BNC2: variants seen among roughly 807,000 people sequenced by gnomAD.
BNC2 encodes the protein basonuclin zinc finger protein 2, also known as zinc finger protein basonuclin-2.
A neutral mutation model predicts 76.3 loss-of-function variants in BNC2; 20 were observed. The ratio of observed to expected loss-of-function variants is 0.26; its 90% CI spans 0.18 to 0.38. BNC2 has a LOEUF of 0.38. Ranked by LOEUF, BNC2 falls within the 10% of genes least tolerant of loss-of-function variation. The pLI, the probability that BNC2 is intolerant of heterozygous loss-of-function variation, is 1.00. For synonymous variants in BNC2, 582 were observed against 514.8 expected, an observed-to-expected ratio of 1.13 and a Z score of -1.77; for missense variants, 1,382 against 1,399.8, an observed-to-expected ratio of 0.99 and a Z score of 0.20.
At chr9:16,639,470 A>C (rs562556349) in intron 3 of BNC2, among the ~76,000 whole-genome samples, 1 of 152,300 alleles carries the variant, frequency 6.6e-6, no homozygotes, top group Non-Finnish European at 1.5e-5. Flanking sequence ...TCAATACACC[A>C]CTGTTGAATG....
chr9:16,820,858 C>G (rs933956698), intron 1 of BNC2, among the ~76,000 whole-genome samples: 1 of 151,078 alleles, frequency 6.6e-6, no homozygotes, highest in Non-Finnish European at 1.5e-5. Context: ...ATTAATGAAT[C>G]TGAAAATCAA....
intron 1 of BNC2, among the ~76,000 whole-genome samples, chr9:16,862,061 A>C (rs1819424089): frequency 6.6e-6 from 1 of 152,242 alleles, no homozygotes; most frequent in East Asian, 1.9e-4. Flanking sequence ...ATTATACACT[A>C]TTGGTTGAAA....
chr9:16,434,986 G>A (rs1181156125), intron 6 of BNC2: 2 of 470,802 alleles, frequency 4.2e-6, no homozygotes, highest in African/African-American at 4.0e-5. Flanking sequence ...AAGAATTCAA[G>A]GACACACTAA....
At chr9:16,846,095 G>A (rs1399109377) in intron 1 of BNC2, among the ~76,000 whole-genome samples, 1 of 149,760 alleles carries the variant, frequency 6.7e-6, no homozygotes, top group Non-Finnish European at 1.5e-5. Context: ...ACCCCAGATC[G>A]CGCCACTGCA....
chr9:16,793,389 G>T (rs1243189883), intron 1 of BNC2, among the ~76,000 whole-genome samples: 1 of 152,088 alleles, frequency 6.6e-6, no homozygotes, highest in Non-Finnish European at 1.5e-5. Flanking sequence ...TTTCATCAAG[G>T]TTCTGCCAGT....
At chr9:16,573,278 A>G (rs1819382488) in intron 4 of BNC2, among the ~76,000 whole-genome samples, 1 of 152,040 alleles carries the variant, frequency 6.6e-6, no homozygotes, top group Non-Finnish European at 1.5e-5. Context: ...AAGCCAAGAT[A>G]CAGAATTTTA....
chr9:16,807,400 AAAAG>A (rs543922341), intron 1 of BNC2, among the ~76,000 whole-genome samples: 56 of 152,362 alleles, frequency 3.7e-4, no homozygotes, highest in Non-Finnish European at 7.1e-4. Flanking sequence ...CATGATCACA[AAAAG>A]AAATAAGATA....
chr9:16,611,372 GA>G (rs1487625467), intron 3 of BNC2, among the ~76,000 whole-genome samples: 36 of 152,168 alleles, frequency 2.4e-4, no homozygotes, highest in Non-Finnish European at 4.3e-4. Flanking sequence ...GAATTATCTG[GA>G]AAACGGCTGT....
intron 1 of BNC2, among the ~76,000 whole-genome samples, chr9:16,791,730 TA>T (rs1817515786): frequency 6.6e-6 from 1 of 152,110 alleles, no homozygotes; most frequent in East Asian, 1.9e-4. Context: ...ACTTGCCCTA[TA>T]AAATAAGTAA....
At chr9:16,780,118 C>T (rs1359482740) in intron 1 of BNC2, among the ~76,000 whole-genome samples, 2 of 151,166 alleles carry the variant, frequency 1.3e-5, no homozygotes, top group Non-Finnish European at 2.9e-5. Context: ...TGCCTGTAGT[C>T]CCAGCTACTA....
chr9:16,520,036 A>G (rs1340460489), intron 5 of BNC2, among the ~76,000 whole-genome samples: 1 of 152,178 alleles, frequency 6.6e-6, no homozygotes, highest in Non-Finnish European at 1.5e-5. Flanking sequence ...GAGAAACTCT[A>G]ATGGGCAGAT....
At chr9:16,659,821 T>C (rs73421463) in intron 3 of BNC2, among the ~76,000 whole-genome samples, 5,252 of 152,202 alleles carry the variant, frequency 0.035, 307 homozygotes, top group African/African-American at 0.12. Context: ...TCCCATCCCC[T>C]TATTCTCTGC....
chr9:16,557,635 C>T (rs757111235), intron 4 of BNC2, among the ~76,000 whole-genome samples: 12 of 151,912 alleles, frequency 7.9e-5, no homozygotes, highest in East Asian at 5.8e-4. Context: ...TCAGGTATTA[C>T]TCCCTTTTTC....
In BNC2 at chr9:16,417,628, C is replaced by T. The variant is rs1432625634; in HGVS notation, c.*1361G>A. 2 of 152,480 alleles carry T rather than the reference C, an allele frequency of 1.3e-5. No individual in the cohort carries two copies. The highest frequency in any genetic ancestry group is 4.8e-5 in the African/African-American group (2 of 41,432). The allele number at this position is 152,480 out of a possible 1,614,324, so 9.4% of individuals were successfully genotyped here. Reference sequence around the variant, plus strand: ...TGCAACAAATTAGACAGCCATACAACAGACCGACCCAGTTCAGAGGATTTC... The same window carrying T: ...TGCAACAAATTAGACAGCCATACAATAGACCGACCCAGTTCAGAGGATTTC... On this transcript the variant is annotated 3_prime_UTR_variant, in exon 7 of 7. Coordinates refer to ENST00000380672, the MANE Select transcript of BNC2 (RefSeq NM_017637.6).
At chr9:16,448,740 A>C (rs2131023408) in intron 5 of BNC2, among the ~76,000 whole-genome samples, 1 of 152,290 alleles carries the variant, frequency 6.6e-6, no homozygotes, top group South Asian at 2.1e-4. Flanking sequence ...TCTGGGTATA[A>C]GAATAGCCGT....
chr9:16,525,777 C>A (rs1184265679), intron 5 of BNC2, among the ~76,000 whole-genome samples: 1 of 152,166 alleles, frequency 6.6e-6, no homozygotes, highest in Non-Finnish European at 1.5e-5. Context: ...TTCCCCTTCA[C>A]CATTTTTATC....
intron 3 of BNC2, among the ~76,000 whole-genome samples, chr9:16,633,130 A>G (rs1417572973): frequency 6.6e-6 from 1 of 152,232 alleles, no homozygotes; most frequent in African/African-American, 2.4e-5. Context: ...AAAATTATCC[A>G]TAATTTTCTG....
rs755535788 is a variant in BNC2, at chr9:16,583,099, G to C, written c.331-14C>G. Reference sequence around the variant, plus strand: ...GCAACGGATGGCCTGAAAAATAAAGGAGGAAAAAAAGGTCAGCATCTGTTC... The same window carrying C: ...GCAACGGATGGCCTGAAAAATAAAGCAGGAAAAAAAGGTCAGCATCTGTTC... On this transcript the variant is annotated splice_polypyrimidine_tract_variant and intron_variant, in intron 3 of 6. Coordinates refer to ENST00000380672, the MANE Select transcript of BNC2 (RefSeq NM_017637.6). 28 of 1,608,920 alleles carry C rather than the reference G, an allele frequency of 1.7e-5. No homozygotes were observed. The South Asian group carries it at 2.9e-4, about 16-fold the overall frequency.
intron 2 of BNC2, among the ~76,000 whole-genome samples, chr9:16,735,999 C>T (rs1227621407): frequency 6.6e-6 from 1 of 151,276 alleles, no homozygotes; most frequent in Non-Finnish European, 1.5e-5. Context: ...TTTGGGAGGC[C>T]AAGGCGGGTG....
Sources: allele counts gnomAD v4.1 joint callset (sites outside exome capture counted in the v4.1 genomes callset), GRCh38; gene constraint gnomAD v4.1.1; transcripts MANE v1.5; gene names NCBI Gene and HGNC (gene_info 2026-07-23, HGNC 2026-07-21).